Variants in TOGARAM2 observed in about 807,000 individuals in gnomAD.
The protein encoded by TOGARAM2 is TOG array regulator of axonemal microtubules 2, also known as TOG array regulator of axonemal microtubules protein 2.
A neutral mutation model predicts 93.3 loss-of-function variants in TOGARAM2; 85 were observed. The observed-to-expected ratio is 0.91, with a 90% CI of 0.76 to 1.09. The LOEUF is 1.09. Among genes scored for constraint, TOGARAM2 ranks in the 50% least tolerant of loss-of-function variants. The pLI is 0.00. For synonymous variants in TOGARAM2, 593 were observed against 552.8 expected (o/e 1.07, Z -1.02); for missense variants, 1,277 against 1,334.5 (o/e 0.96, Z 0.67).
At chr2:29,050,457 T>C (rs1324777761) in intron 19 of TOGARAM2, 3 of 152,118 alleles carry the variant, frequency 2.0e-5, no homozygotes, top group Non-Finnish European at 4.4e-5. Flanking sequence ...GTGTGGACTT[T>C]GGAGTCCAGG....
chr2:29,036,855 C>A (rs1666146537), intron 18 of TOGARAM2, 98 bp downstream of exon 18: 2 of 1,211,486 alleles, frequency 1.7e-6, no homozygotes, highest in African/African-American at 1.5e-5. Flanking sequence ...GGTTCCCAGG[C>A]CAGATGTTTC....
At position 29,002,652 on chromosome 2, in the gene TOGARAM2, C is replaced by A; in HGVS notation, c.544C>A (p.Pro182Thr). Residue 182 changes from proline (P) to threonine (T), a missense_variant, in exon 5 of 20, where the codon CCT becomes ACT. By Grantham distance (38) the Pro-to-Thr change is conservative. Transcript: ENST00000379558. The part of the protein sequence containing the change: ...PRPMPLIQSI[P>T]TTPEASGVKE... ...GCCGATGCCTCTCATCCAGAGCATC[C>A]CTACCACCCCTGAGGCCAGCGGAGT... 6.2e-7 allele frequency: 1 copy of A among 1,614,004 alleles called. No individual in the cohort carries two copies. Among genetic ancestry groups the A allele is most frequent in the Non-Finnish European group, 8.5e-7 (1 of 1,179,892 alleles).
chr2:29,044,046 A>G (rs1474596352), intron 18 of TOGARAM2, among the ~76,000 whole-genome samples: 1 of 152,134 alleles, frequency 6.6e-6, no homozygotes, highest in East Asian at 1.9e-4. Context: ...CTCTGTAATA[A>G]ACACTCATAC....
rs973555056 is a variant in TOGARAM2 at position 28,994,719 on chromosome 2, C to A, written c.-110-6C>A. The A allele has an allele frequency of 2.9e-6, 3 of 1,045,066 alleles. No homozygotes were observed. The highest frequency in any genetic ancestry group is 4.4e-5 in the Admixed American group (2 of 45,368). 64.7% of individuals were successfully genotyped at this position (1,045,066 alleles called of 1,614,324 possible). On this transcript the variant is annotated splice_polypyrimidine_tract_variant and splice_region_variant and intron_variant, in intron 1 of 19. Transcript: ENST00000379558. The stretch of plus-strand genomic sequence containing the variant: ...ACTGACTTCTCCTTTCTCCTCTCAC[C>A]CTTAGGTCCCGGATGTTACAGGTCA...
chr2:28,986,986 C>T (rs1182437715), intron 1 of TOGARAM2, among the ~76,000 whole-genome samples: 2 of 152,164 alleles, frequency 1.3e-5, no homozygotes, highest in African/African-American at 4.8e-5. Context: ...GAATTTAACC[C>T]TGTTGACTCC....
intron 1 of TOGARAM2, among the ~76,000 whole-genome samples, chr2:28,987,253 A>T (rs1371191593): frequency 6.6e-6 from 1 of 152,216 alleles, no homozygotes; most frequent in Non-Finnish European, 1.5e-5. Context: ...TAATTCCTTC[A>T]CTTAGGTTCT....
intron 8 of TOGARAM2, among the ~76,000 whole-genome samples, chr2:29,015,296 C>T (rs1237408098): frequency 1.3e-5 from 2 of 152,306 alleles, no homozygotes; most frequent in African/African-American, 4.8e-5. Flanking sequence ...CTCCACCCCA[C>T]TTCTGCGCTC....
rs1673157819 is a variant in TOGARAM2, at chr2:28,999,302, G to A, written c.261G>A (p.Arg87=). The change falls in exon 4 of 20, where the codon AGG becomes AGA. Residue 87 remains arginine, a synonymous_variant. Coordinates refer to ENST00000379558, the MANE Select transcript of TOGARAM2 (RefSeq NM_199280.4). ...LDTPSKGWQA[R]NGHPRNLRAL... ...CCCCTTCCAAGGGCTGGCAGGCAAG[G>A]AATGGTCACCCCAGGAACCTCAGGG... 8 of 1,613,898 alleles carry A rather than the reference G, an allele frequency of 5.0e-6. No homozygotes were observed. Among genetic ancestry groups the A allele is most frequent in the Non-Finnish European group, 6.8e-6 (8 of 1,179,834 alleles).
At chr2:28,961,582 C>T (rs1322196419) in intron 1 of TOGARAM2, among the ~76,000 whole-genome samples, 1 of 152,194 alleles carries the variant, frequency 6.6e-6, no homozygotes, top group Non-Finnish European at 1.5e-5. Flanking sequence ...CTCAAGTGAT[C>T]TGCCCGCCTT....
At chr2:28,977,656 C>T (rs972202713), upstream of TOGARAM2, among the ~76,000 whole-genome samples, 8 of 152,252 alleles carry the variant, frequency 5.3e-5, no homozygotes, top group South Asian at 4.1e-4. Flanking sequence ...ACCTGGCTGG[C>T]GCTGGTTCCA....
chr2:28,999,439 T>G lies in TOGARAM2; in HGVS notation c.398T>G (p.Leu133Arg), dbSNP rs955808957. The G allele has an allele frequency of 1.9e-6, 3 of 1,611,764 alleles. No homozygotes were observed. The African/African-American group carries it at 4.0e-5, about 22-fold the overall frequency. ...AAGGACAAGCTCAAGAAAAGGAGGC[T>G]CTCAGAGGGCTTGGCAGCGTCTTCC... ...QIKDKLKKRR[L>R]SEGLAASSRA... Residue 133 changes from leucine to arginine, a missense_variant, in exon 4 of 20, where the codon CTC (leucine) becomes CGC (arginine). By Grantham distance (102) the Leu-to-Arg change is moderately radical (BLOSUM62 -2). Transcript: ENST00000379558.
At position 28,994,877 on chromosome 2, in the gene TOGARAM2, G is replaced by A. The variant is rs371268311; in HGVS notation, c.28+15G>A. ...TGTCCCCGAAGGTAAGGGGCACCATGGGAGGCCTGCTGCTGGTGTTTTCCA... is the reference window on the plus strand; with the variant it reads ...TGTCCCCGAAGGTAAGGGGCACCATAGGAGGCCTGCTGCTGGTGTTTTCCA... On this transcript the variant is annotated intron_variant, in intron 2 of 19. Coordinates refer to ENST00000379558, the MANE Select transcript of TOGARAM2 (RefSeq NM_199280.4). The A allele has an allele frequency of 2.8e-5, 44 of 1,551,908 alleles. No homozygotes were observed. Among genetic ancestry groups the A allele is most frequent in the Admixed American group, 2.2e-4 (11 of 51,038 alleles).
chr2:29,005,501 ATG>A (rs751012397), intron 6 of TOGARAM2, among the ~76,000 whole-genome samples: 42 of 71,200 alleles, frequency 5.9e-4, no homozygotes, highest in African/African-American at 1.4e-3. Flanking sequence ...GTGTGAGTGC[ATG>A]TGTTTGTGTA....
chr2:29,017,804 T>G lies in TOGARAM2; in HGVS notation c.1208T>G (p.Leu403Arg). Reference protein sequence around the residue: ...RAFMKEGLLPLRGSGTLSVPT... With the variant: ...RAFMKEGLLPRRGSGTLSVPT... ...TCTGTGTCCACAGGCCTCCTTCCCC[T>G]CCGGGGCAGCGGGACACTGTCTGTG... Residue 403 changes from leucine (L) to arginine (R), a missense_variant, in exon 10 of 20, where the codon CTC becomes CGC. By Grantham distance (102) the Leu-to-Arg change is moderately radical (BLOSUM62 -2). Coordinates refer to ENST00000379558, the MANE Select transcript of TOGARAM2 (RefSeq NM_199280.4). 1 of 1,609,724 alleles carries G rather than the reference T, an allele frequency of 6.2e-7. No individual in the cohort carries two copies. Among genetic ancestry groups the G allele is most frequent in the Non-Finnish European group, 8.5e-7 (1 of 1,177,448 alleles).
upstream of TOGARAM2, among the ~76,000 whole-genome samples, chr2:28,977,470 A>G (rs984391219): frequency 6.6e-6 from 1 of 152,048 alleles, no homozygotes; most frequent in African/African-American, 2.4e-5. Flanking sequence ...AACTCCCCCT[A>G]CCTGTTCCCT....
intron 1 of TOGARAM2, among the ~76,000 whole-genome samples, chr2:28,962,907 G>A (rs573577856): frequency 2.0e-5 from 3 of 150,550 alleles, no homozygotes; most frequent in Non-Finnish European, 4.4e-5. Context: ...TCTGAAGCCC[G>A]GATCTCCTGG....
At chr2:29,039,757 A>G (rs1464961946) in intron 18 of TOGARAM2, among the ~76,000 whole-genome samples, 1 of 152,222 alleles carries the variant, frequency 6.6e-6, no homozygotes, top group East Asian at 1.9e-4. Context: ...CTCAGCACCA[A>G]GACCTTCTGA....
chr2:29,025,427 C>G (rs540030890), intron 13 of TOGARAM2, among the ~76,000 whole-genome samples: 1 of 152,172 alleles, frequency 6.6e-6, no homozygotes, highest in South Asian at 2.1e-4. Context: ...TTTGGCTCAG[C>G]TTCCTCACCT....
At chr2:29,025,212 TTC>T (rs1175579092) in intron 13 of TOGARAM2, among the ~76,000 whole-genome samples, 1 of 152,166 alleles carries the variant, frequency 6.6e-6, no homozygotes, top group Non-Finnish European at 1.5e-5. Context: ...GTCACTTCAC[TTC>T]TCTGTGTCTC....
Sources: gnomAD v4.1 joint callset for allele counts (sites outside exome capture counted in the v4.1 genomes callset) on GRCh38, gnomAD v4.1.1 for gene constraint, MANE v1.5 for transcripts, NCBI Gene and HGNC (gene_info 2026-07-23, HGNC 2026-07-21) for gene names.